LTBP3: variants seen among roughly 807,000 people sequenced by gnomAD.
LTBP3 encodes latent-transforming growth factor beta-binding protein 3.
LTBP3 carries 97 observed loss-of-function variants against 159.7 expected under a neutral mutation model. The ratio of observed to expected loss-of-function variants is 0.61; its 90% confidence interval spans 0.52 to 0.72. LTBP3 has a LOEUF of 0.72. LTBP3 is among the 30% of genes least tolerant of loss of function. The pLI is 0.00. For missense variants in LTBP3, 1,584 were observed against 1,864.3 expected (o/e 0.85, Z 2.77); for synonymous variants, 824 against 777.1 (o/e 1.06, Z -1.00).
In LTBP3 at chr11:65,553,669, G is replaced by C. The variant is rs746610218; in HGVS notation, c.864+32C>G. On this transcript the variant is annotated intron_variant, in intron 3 of 27. Transcript: ENST00000301873. The surrounding 1 kb of genome is among the most constrained non-coding windows in gnomAD (Gnocchi z 6.5). ...TGGGGCAGAGCAACCCTGAGAGAAG[G>C]AAAGGCAGATCCCGACTGTGGATTC... The C allele has an allele frequency of 6.4e-7, 1 of 1,556,676 alleles. No homozygotes were observed. The highest frequency in any genetic ancestry group is 8.6e-7 in the Non-Finnish European group (1 of 1,156,832).
At chr11:65,539,255 G>C in intron 27 of LTBP3, 24 bp from the exon 28 acceptor site, 2 of 1,521,622 alleles carry the variant, frequency 1.3e-6, no homozygotes, top group Non-Finnish European at 1.8e-6. Flanking sequence ...CGACAGGTGC[G>C]GCTTCGCTGA....
At position 65,554,121 on chromosome 11, in the gene LTBP3, G is replaced by T; in HGVS notation, c.591C>A (p.Pro197=). Residue 197 remains proline, a synonymous_variant, in exon 2 of 28, where the codon CCC becomes CCA. Coordinates refer to ENST00000301873, the MANE Select transcript of LTBP3 (RefSeq NM_001130144.3). This position sits in a 1 kb window ranked among gnomAD's most constrained non-coding sequence, Gnocchi z 5.3. ...AVQVIADPPG[P]GEGPPAQHAA... is the part of the protein sequence containing the mutation. Reference sequence around the variant, plus strand: ...CGTGCTGGGCAGGAGGCCCCTCCCCGGGCCCAGGAGGGTCAGCGATCACCT... The same window carrying T: ...CGTGCTGGGCAGGAGGCCCCTCCCCTGGCCCAGGAGGGTCAGCGATCACCT... 6.2e-7 allele frequency: 1 copy of T among 1,611,164 alleles called. No homozygotes were observed. The highest frequency in any genetic ancestry group is 8.5e-7 in the Non-Finnish European group (1 of 1,179,556).
rs2135119689 is a variant in LTBP3, at chr11:65,540,024, T to C, written c.3374A>G (p.Glu1125Gly). 1.3e-6 allele frequency: 2 copies of C among 1,509,570 alleles called. No individual in the cohort carries two copies. Among genetic ancestry groups the C allele is most frequent in the East Asian group, 5.1e-5 (2 of 38,840 alleles). The allele number at this position is 1,509,570 out of a possible 1,614,324, so 93.5% of individuals were successfully genotyped here. Reference sequence around the variant, plus strand: ...ACCCTCGCCCTCACCGGCCGGGCTCTCGGGGAGCTGGCAATCGCGGCCGGA... The same window carrying C: ...ACCCTCGCCCTCACCGGCCGGGCTCCCGGGGAGCTGGCAATCGCGGCCGGA... ...GPSGRDCQLPESPAERAPERR... is the reference protein window; with the variant it reads ...GPSGRDCQLPGSPAERAPERR... The change falls in exon 24 of 28, where the codon GAG becomes GGG. Residue 1125 changes from glutamate to glycine, a missense_variant. Glu to Gly is a moderately conservative substitution (Grantham distance 98). This residue lies in a region of LTBP3 where 514 missense variants were observed against 530.3 expected (regional missense o/e 0.97). Transcript: ENST00000301873.
In LTBP3 at chr11:65,541,073, G is replaced by T. The variant is rs541257615; in HGVS notation, c.2893+53C>A. 4.1e-5 allele frequency: 65 copies of T among 1,591,682 alleles called. No homozygotes were observed. The Admixed American group carries it at 1.0e-3, about 25-fold the overall frequency. On this transcript the variant is annotated intron_variant, in intron 20 of 27. Coordinates refer to ENST00000301873, the MANE Select transcript of LTBP3 (RefSeq NM_001130144.3). ...CAGGGGGCGCCATTTCCCACATTTG[G>T]CTTCCAGATGAAGAAACTGAAGATC...
At chr11:65,540,843 G>C in intron 21 of LTBP3, 28 bp downstream of exon 21, 1 of 1,595,550 alleles carries the variant, frequency 6.3e-7, no homozygotes, top group Non-Finnish European at 8.5e-7. Flanking sequence ...GAGAGGGCGC[G>C]GGGCGGGCGG....
At position 65,554,399 on chromosome 11, in the gene LTBP3, T is replaced by G; in HGVS notation, c.332-19A>C. The G allele has an allele frequency of 6.3e-7, 1 of 1,594,136 alleles. No homozygotes were observed. Among genetic ancestry groups the G allele is most frequent in the Non-Finnish European group, 8.6e-7 (1 of 1,167,128 alleles). On this transcript the variant is annotated intron_variant, in intron 1 of 27. Coordinates refer to ENST00000301873, the MANE Select transcript of LTBP3 (RefSeq NM_001130144.3). The surrounding 1 kb of genome is among the most constrained non-coding windows in gnomAD (Gnocchi z 5.3). ...CACACCACTGGGGAGAAGAGTGGGG[T>G]CAGGCCCTCACCCACATCCTGTCTC...
Position 65,541,187 on chromosome 11 carries a change from G to C in LTBP3, c.2832C>G (p.Cys944Trp), listed in dbSNP as rs750072765. The stretch of plus-strand genomic sequence containing the variant: ...GGTCGCCCCAGCCGGCCCCCAGAGA[G>C]CAGCAGCACTCCTGCTGGGTCACGT... ...ATNVTQQECCCSLGAGWGDHC... is the reference protein window; with the variant it reads ...ATNVTQQECCWSLGAGWGDHC... The change falls in exon 20 of 28, where the codon TGC becomes TGG. Residue 944 changes from cysteine (C) to tryptophan (W), a missense_variant. Physicochemically the swap from Cys to Trp is radical, Grantham distance 215 (BLOSUM62 -2). Around this residue, in one of 6 missense-constraint regions of LTBP3, gnomAD observed 565 missense variants for 677.7 expected, o/e 0.83. Coordinates refer to ENST00000301873, the MANE Select transcript of LTBP3 (RefSeq NM_001130144.3). The C allele has an allele frequency of 1.2e-6, 2 of 1,613,708 alleles. No individual in the cohort carries two copies. The highest frequency in any genetic ancestry group is 1.7e-6 in the Non-Finnish European group (2 of 1,179,982).
chr11:65,551,818 G>A, intron 8 of LTBP3, 154 bp downstream of exon 8: 1 of 1,013,036 alleles, frequency 9.9e-7, no homozygotes, highest in Non-Finnish European at 1.5e-6. Context: ...AAATATCTGG[G>A]TCAGGGGTCA....
chr11:65,541,306 C>CG lies in LTBP3; in HGVS notation c.2726-14dup. 1 of 1,608,218 alleles carries CG rather than the reference C, an allele frequency of 6.2e-7. No individual in the cohort carries two copies. The highest frequency in any genetic ancestry group is 8.5e-7 in the Non-Finnish European group (1 of 1,179,938). On this transcript the variant is annotated splice_polypyrimidine_tract_variant and intron_variant, in intron 19 of 27. Transcript: ENST00000301873. ...GGCTGCTCCACCTCTGAGGGGCAGA[C>CG]GGCAGCTCAGGGTTGTGCACAGACC...
Position 65,552,549 on chromosome 11 carries a change from CATGTGACCCCTGAAACTT to C in LTBP3, c.1187-161_1187-144del. On this transcript the variant is annotated intron_variant, in intron 6 of 27. Coordinates refer to ENST00000301873, the MANE Select transcript of LTBP3 (RefSeq NM_001130144.3). The surrounding 1 kb of genome is among the most constrained non-coding windows in gnomAD (Gnocchi z 6.0). ...CTCTGACCCCATATGACCCTGAACT[CATGTGACCCCTGAAACTT>C]ATGTGACCACTGACCCCATTGACTC... 7 of 1,056,622 alleles carry C rather than the reference CATGTGACCCCTGAAACTT, an allele frequency of 6.6e-6. No individual in the cohort carries two copies. In the South Asian group the frequency reaches 1.0e-4, roughly 16 times the overall value. The allele number at this position is 1,056,622 out of a possible 1,614,324, so 65.5% of individuals were successfully genotyped here. A position where few individuals can be genotyped will look rare whatever the true frequency, so the allele number is the denominator to read the frequency against.
At chr11:65,543,378 C>G in intron 17 of LTBP3, 49 bp downstream of exon 17, 1 of 1,612,974 alleles carries the variant, frequency 6.2e-7, no homozygotes, top group Non-Finnish European at 8.5e-7. Flanking sequence ...GGGTGGGGGT[C>G]CTGGGGTAGG....
At position 65,553,789 on chromosome 11, in the gene LTBP3, A is replaced by G; in HGVS notation, c.776T>C (p.Leu259Pro). The part of the protein sequence containing the change: ...NAESAAPSQH[L>P]LPHPKPSHPR... ...GTGCGAGGGCTTGGGGTGCGGCAGC[A>G]GGTGCTGGGAGGGGGCTGCGCTCTC... Residue 259 changes from leucine to proline, a missense_variant, in exon 3 of 28, where the codon CTG (leucine) becomes CCG (proline). Leu to Pro is a moderately conservative substitution (Grantham distance 98, BLOSUM62 -3). This residue lies in a region of LTBP3 where 194 missense variants were observed against 198.7 expected (regional missense o/e 0.98). Coordinates refer to ENST00000301873, the MANE Select transcript of LTBP3 (RefSeq NM_001130144.3). This position sits in a 1 kb window ranked among gnomAD's most constrained non-coding sequence, Gnocchi z 6.5. The G allele has an allele frequency of 6.4e-7, 1 of 1,564,386 alleles. No homozygotes were observed. Among genetic ancestry groups the G allele is most frequent in the Non-Finnish European group, 8.6e-7 (1 of 1,162,904 alleles).
Position 65,540,498 on chromosome 11 carries a change from G to A in LTBP3, c.3094C>T (p.Leu1032=). The change falls in exon 22 of 28, where the codon CTG becomes TTG. Residue 1032 remains leucine (L), a synonymous_variant. Transcript: ENST00000301873. The part of the protein sequence containing the change: ...KQGFYYDGNL[L]ECVDVDECLD... ...GGGCGGAGCTCACCCACGCATTCCAGCAGGTTCCCGTCGTAGTAGAAGCCC... is the reference window on the plus strand; with the variant it reads ...GGGCGGAGCTCACCCACGCATTCCAACAGGTTCCCGTCGTAGTAGAAGCCC... 6.2e-7 allele frequency: 1 copy of A among 1,613,690 alleles called. No individual in the cohort carries two copies. The highest frequency in any genetic ancestry group is 8.5e-7 in the Non-Finnish European group (1 of 1,179,880).
chr11:65,539,969 C>A, intron 24 of LTBP3, 44 bp downstream of exon 24: 6 of 1,455,138 alleles, frequency 4.1e-6, no homozygotes, highest in Non-Finnish European at 5.4e-6. Context: ...GGCCACGTGA[C>A]GGACAGGGCC....
Position 65,554,670 on chromosome 11 carries a change from G to T in LTBP3, c.332-290C>A, listed in dbSNP as rs564895462. On this transcript the variant is annotated intron_variant, in intron 1 of 27. Coordinates refer to ENST00000301873, the MANE Select transcript of LTBP3 (RefSeq NM_001130144.3). This position sits in a 1 kb window ranked among gnomAD's most constrained non-coding sequence, Gnocchi z 5.3. ...GCGTCCTCATCTGTAGAGATGTGTG[G>T]GTTAGATGAGGTAAGGGCTGTACAA... Among the ~76,000 whole-genome samples the T allele has an allele frequency of 6.6e-6, 1 of 152,194 alleles. No homozygotes were observed. The highest frequency in any genetic ancestry group is 1.9e-4 in the East Asian group (1 of 5,176).
intron 11 of LTBP3, among the ~76,000 whole-genome samples, chr11:65,549,086 C>T (rs1168781377): frequency 2.6e-5 from 4 of 152,178 alleles, no homozygotes. Context: ...GCTCACTTTG[C>T]AGAGTATGAG....
At position 65,541,178 on chromosome 11, in the gene LTBP3, C is replaced by A; in HGVS notation, c.2841G>T (p.Gly947=). The change falls in exon 20 of 28, where the codon GGG becomes GGT. Residue 947 remains glycine (G), a synonymous_variant. Coordinates refer to ENST00000301873, the MANE Select transcript of LTBP3 (RefSeq NM_001130144.3). ...TTTCGCAGTGGTCGCCCCAGCCGGC[C>A]CCCAGAGAGCAGCAGCACTCCTGCT... ...VTQQECCCSL[G]AGWGDHCEIY... The A allele has an allele frequency of 6.3e-7, 1 of 1,599,534 alleles. No homozygotes were observed. Among genetic ancestry groups the A allele is most frequent in the Non-Finnish European group, 8.5e-7 (1 of 1,174,468 alleles).
intron 24 of LTBP3, 55 bp downstream of exon 24, chr11:65,539,958 G>A: frequency 6.9e-7 from 1 of 1,457,850 alleles, no homozygotes; most frequent in Non-Finnish European, 9.0e-7. Context: ...ACCTGCGCGG[G>A]GGCCACGTGA....
chr11:65,550,285 G>A (rs969572666), intron 11 of LTBP3, among the ~76,000 whole-genome samples: 8 of 152,030 alleles, frequency 5.3e-5, no homozygotes, highest in Non-Finnish European at 8.8e-5. Flanking sequence ...GGTGGTGGGC[G>A]CCTGTAGTCC....
Sources: gnomAD v4.1 joint callset for allele counts (sites outside exome capture counted in the v4.1 genomes callset) on GRCh38, gnomAD v4.1.1 for gene constraint, gnomAD v4.1.1 regional missense constraint, Gnocchi (gnomAD v3.1) non-coding constraint, MANE v1.5 for transcripts, NCBI Gene and HGNC (gene_info 2026-07-23, HGNC 2026-07-21) for gene names.